Variants in SNRNP40 observed in about 807,000 individuals in gnomAD.
The protein encoded by SNRNP40 is U5 small nuclear ribonucleoprotein 40 kDa protein.
A neutral mutation model predicts 45.8 loss-of-function variants in SNRNP40; 21 were observed. The ratio of observed to expected loss-of-function variants is 0.46; its 90% CI spans 0.32 to 0.66. The LOEUF is 0.66. Among genes scored for constraint, SNRNP40 ranks in the 30% least tolerant of loss-of-function variants. SNRNP40 has a pLI of 0.03. For missense variants in SNRNP40, 344 were observed against 439.1 expected, an observed-to-expected ratio of 0.78 and a Z score of 1.94; for synonymous variants, 142 against 163.8, an observed-to-expected ratio of 0.87 and a Z score of 1.01.
intron 6 of SNRNP40, chr1:31,269,797 T>C (rs1418777664): frequency 6.5e-6 from 1 of 154,936 alleles, no homozygotes; most frequent in Non-Finnish European, 1.4e-5. Flanking sequence ...TCTATCTCTG[T>C]TACATATTTG....
At chr1:31,263,461 G>A (rs1439269368) in intron 8 of SNRNP40, 1 of 228,202 alleles carries the variant, frequency 4.4e-6, no homozygotes, top group Non-Finnish European at 8.8e-6. Context: ...TGACGGGCAT[G>A]AGCCACCATG....
chr1:31,266,725 C>T (rs1224210933), intron 8 of SNRNP40, among the ~76,000 whole-genome samples: 1 of 152,224 alleles, frequency 6.6e-6, no homozygotes, highest in African/African-American at 2.4e-5. Flanking sequence ...CCAGACACAG[C>T]TCTGAATCAT....
intron 4 of SNRNP40, among the ~76,000 whole-genome samples, chr1:31,282,764 C>T (rs1288510305): frequency 6.6e-6 from 1 of 152,136 alleles, no homozygotes; most frequent in African/African-American, 2.4e-5. Context: ...CAACCTCCAC[C>T]TCACGGGCTC....
chr1:31,292,433 T>C (rs539952931), intron 2 of SNRNP40, among the ~76,000 whole-genome samples: 18 of 152,306 alleles, frequency 1.2e-4, no homozygotes, highest in African/African-American at 4.3e-4. Context: ...CTATCAATAA[T>C]TCATATATGT....
Position 31,281,407 on chromosome 1 carries a change from C to T in SNRNP40, c.621G>A (p.Gln207=). Residue 207 remains glutamine (Q), a synonymous_variant, in exon 5 of 10, where the codon CAG becomes CAA. Coordinates refer to ENST00000263694, the MANE Select transcript of SNRNP40 (RefSeq NM_004814.3). ...CATTGTCTATTCCACCAGAAATAAT[C>T]TGATCACTTGTGTCATTGAAGGTCA... The part of the protein sequence containing the change: ...LAVTFNDTSD[Q]IISGGIDNDI... The T allele has an allele frequency of 6.2e-7, 1 of 1,605,360 alleles. No homozygotes were observed. The highest frequency in any genetic ancestry group is 8.5e-7 in the Non-Finnish European group (1 of 1,172,742).
chr1:31,282,654 G>GTATCTATGTA (rs1557678200), intron 4 of SNRNP40, among the ~76,000 whole-genome samples: 6 of 151,114 alleles, frequency 4.0e-5, no homozygotes, highest in Non-Finnish European at 1.5e-5. Flanking sequence ...GTATCTATGT[G>GTATCTATGTA]TCTATCTATC....
chr1:31,270,601 C>T (rs1266146924), intron 6 of SNRNP40, among the ~76,000 whole-genome samples: 1 of 152,062 alleles, frequency 6.6e-6, no homozygotes, highest in Non-Finnish European at 1.5e-5. Context: ...GTCAGACAGG[C>T]ATAAAAAGGC....
At chr1:31,272,797 C>T (rs1391559570) in intron 5 of SNRNP40, among the ~76,000 whole-genome samples, 3 of 152,174 alleles carry the variant, frequency 2.0e-5, no homozygotes, top group Non-Finnish European at 4.4e-5. Flanking sequence ...ACACAGACTA[C>T]AGCTATGTAA....
At chr1:31,291,682 TAAAA>T (rs1308600012) in intron 3 of SNRNP40, among the ~76,000 whole-genome samples, 3 of 152,116 alleles carry the variant, frequency 2.0e-5, no homozygotes, top group African/African-American at 4.8e-5. Context: ...TTTTATGTCT[TAAAA>T]AAAGAAAAAT....
In SNRNP40 at chr1:31,288,667, C is replaced by CTTTTT. The variant is rs1553167231; in HGVS notation, c.531+582_531+586dup. Among the ~76,000 whole-genome samples the CTTTTT allele has an allele frequency of 3.4e-5, 4 of 117,154 alleles. 1 individual carries two copies. Among genetic ancestry groups the CTTTTT allele is most frequent in the Non-Finnish European group, 3.4e-5 (2 of 57,982 alleles). The allele number at this position is 117,154 out of a possible 152,430, so 76.9% of individuals were successfully genotyped here. ...ATATTGTCTATAATCTCAGAACAGC[C>CTTTTT]TTTTTTTTTTTTTTGCTACCTCCCT... On this transcript the variant is annotated intron_variant, in intron 4 of 9. Coordinates refer to ENST00000263694, the MANE Select transcript of SNRNP40 (RefSeq NM_004814.3).
intron 9 of SNRNP40, chr1:31,261,092 G>A: frequency 1.7e-6 from 2 of 1,145,384 alleles, no homozygotes; most frequent in Non-Finnish European, 2.3e-6. Flanking sequence ...TGTAATCCCA[G>A]CACTTTGGGA....
chr1:31,265,569 A>G (rs7524117), intron 8 of SNRNP40, among the ~76,000 whole-genome samples: 84,196 of 152,116 alleles, frequency 0.55, 24,018 homozygotes, highest in Non-Finnish European at 0.63. Flanking sequence ...AGCTGGGTGC[A>G]GTGGTTCATG....
At chr1:31,285,402 G>A (rs1255060771) in intron 4 of SNRNP40, among the ~76,000 whole-genome samples, 4 of 151,862 alleles carry the variant, frequency 2.6e-5, no homozygotes, top group African/African-American at 7.3e-5. Context: ...CACCATGCCC[G>A]GCTTTTTTGT....
intron 8 of SNRNP40, 84 bp from the exon 9 acceptor site, chr1:31,261,716 G>T: frequency 1.3e-6 from 1 of 791,872 alleles, no homozygotes; most frequent in Non-Finnish European, 2.1e-6. Flanking sequence ...GGAAATGGAA[G>T]CAACAATTAT....
intron 2 of SNRNP40, among the ~76,000 whole-genome samples, chr1:31,292,625 G>T (rs1030863553): frequency 3.3e-5 from 5 of 152,162 alleles, no homozygotes; most frequent in African/African-American, 1.2e-4. Flanking sequence ...CAAGAAAGTA[G>T]CAACAGAAGC....
At chr1:31,290,971 A>G (rs1646102141) in intron 3 of SNRNP40, among the ~76,000 whole-genome samples, 1 of 152,082 alleles carries the variant, frequency 6.6e-6, no homozygotes, top group Admixed American at 6.6e-5. Context: ...AGTAGAAAAA[A>G]AGGCATTAGA....
intron 6 of SNRNP40, 180 bp from the exon 7 acceptor site, chr1:31,269,420 C>T (rs1019849704): frequency 5.1e-6 from 7 of 1,366,442 alleles, no homozygotes; most frequent in Non-Finnish European, 6.7e-6. Context: ...AGCAGGAAAA[C>T]ACATCTAAAT....
At chr1:31,274,674 A>G (rs1226869750) in intron 5 of SNRNP40, among the ~76,000 whole-genome samples, 1 of 146,650 alleles carries the variant, frequency 6.8e-6, no homozygotes, top group African/African-American at 2.5e-5. Context: ...AACCAAACTG[A>G]ACTCCCATCC....
intron 1 of SNRNP40, 38 bp from the exon 2 acceptor site, chr1:31,293,386 A>G: frequency 6.5e-7 from 1 of 1,549,508 alleles, no homozygotes; most frequent in Non-Finnish European, 8.7e-7. Flanking sequence ...TACTGCATAC[A>G]GACAAAGGAG....
Sources: gnomAD v4.1 joint callset for allele counts (sites outside exome capture counted in the v4.1 genomes callset) on GRCh38, gnomAD v4.1.1 for gene constraint, MANE v1.5 for transcripts, NCBI Gene and HGNC (gene_info 2026-07-23, HGNC 2026-07-21) for gene names.